EYS: variants seen among roughly 807,000 people sequenced by gnomAD.
EYS encodes EGF-like photoreceptor maintenance factor, also known as protein eyes shut homolog.
EYS carries 250 observed loss-of-function variants against 282.1 expected under a neutral mutation model. The ratio of observed to expected loss-of-function variants is 0.89; its 90% CI spans 0.80 to 0.98. The LOEUF (loss-of-function observed/expected upper bound fraction) is 0.98. Ranked by LOEUF, EYS falls within the 50% of genes least tolerant of loss-of-function variation. The pLI, the probability that EYS is intolerant of heterozygous loss-of-function variation, is 0.00. For missense variants in EYS, 4,016 were observed against 3,709.0 expected (o/e 1.08, Z -2.15); for synonymous variants, 1,355 against 1,282.9 (o/e 1.06, Z -1.20).
chr6:64,434,114 T>C (rs1295253481), intron 28 of EYS, among the ~76,000 whole-genome samples: 2 of 151,690 alleles, frequency 1.3e-5, no homozygotes, highest in Non-Finnish European at 2.9e-5. Context: ...TGTCTGGTGA[T>C]CTTATTACAA....
chr6:64,736,211 C>T (rs1176929109), intron 22 of EYS, among the ~76,000 whole-genome samples: 2 of 151,974 alleles, frequency 1.3e-5, no homozygotes, highest in East Asian at 3.9e-4. Context: ...TCTTTCCATT[C>T]CCTTTTCATT....
At chr6:64,572,359 C>T (rs1251476936) in intron 26 of EYS, among the ~76,000 whole-genome samples, 1 of 152,110 alleles carries the variant, frequency 6.6e-6, no homozygotes, top group Non-Finnish European at 1.5e-5. Context: ...CCTTTGAAAA[C>T]CAGTAAAAGA....
chr6:64,661,483 A>G (rs892821966), intron 22 of EYS, among the ~76,000 whole-genome samples: 7 of 152,170 alleles, frequency 4.6e-5, no homozygotes, highest in Non-Finnish European at 7.4e-5. Context: ...TTTGCAATCT[A>G]CTCATCTGAC....
chr6:64,411,972 A>ATATAT (rs1773914513), intron 28 of EYS, among the ~76,000 whole-genome samples: 1 of 87,210 alleles, frequency 1.1e-5, no homozygotes, highest in Non-Finnish European at 2.6e-5. Context: ...TATATATACA[A>ATATAT]GTATATATAA....
In EYS at chr6:65,019,586, T is replaced by C. The variant is rs796680197; in HGVS notation, c.2138-21883A>G. Among the ~76,000 whole-genome samples, 22 of 152,314 alleles carry C rather than the reference T, an allele frequency of 1.4e-4. 1 individual carries two copies. The highest frequency in any genetic ancestry group is 4.6e-4 in the Admixed American group (7 of 15,284). On this transcript the variant is annotated intron_variant, in intron 13 of 42. Coordinates refer to ENST00000503581, the MANE Select transcript of EYS (RefSeq NM_001142800.2). ...TAAATGACATAAGGTATGTTAAGCA[T>C]TTCAAAAAGTACCTGCCAAGCACCA...
intron 27 of EYS, among the ~76,000 whole-genome samples, chr6:64,437,189 A>G (rs1381311279): frequency 2.0e-5 from 3 of 151,746 alleles, no homozygotes; most frequent in Non-Finnish European, 4.4e-5. Context: ...AAGCATTAGG[A>G]GGAATTATTG....
chr6:64,472,368 A>G (rs1228296163), intron 26 of EYS, among the ~76,000 whole-genome samples: 1 of 152,186 alleles, frequency 6.6e-6, no homozygotes, highest in Non-Finnish European at 1.5e-5. Context: ...TTTATTTCAG[A>G]AGTCAACATG....
chr6:65,194,292 C>A (rs1442944101), intron 12 of EYS, among the ~76,000 whole-genome samples: 1 of 151,870 alleles, frequency 6.6e-6, no homozygotes, highest in African/African-American at 2.4e-5. Context: ...TCCATTACTA[C>A]AGTTTGATAT....
intron 26 of EYS, among the ~76,000 whole-genome samples, chr6:64,489,794 T>G (rs1240446028): frequency 6.6e-6 from 1 of 150,774 alleles, no homozygotes; most frequent in East Asian, 1.9e-4. Context: ...ATTAAAATGT[T>G]AAGGAGTTGG....
chr6:64,007,029 G>A (rs1768382141), intron 33 of EYS, among the ~76,000 whole-genome samples: 1 of 152,104 alleles, frequency 6.6e-6, no homozygotes, highest in Non-Finnish European at 1.5e-5. Context: ...TTAAGGAGGA[G>A]TCCCTCATCC....
At chr6:65,075,526 G>A (rs556715537) in intron 12 of EYS, among the ~76,000 whole-genome samples, 119 of 152,052 alleles carry the variant, frequency 7.8e-4, no homozygotes, top group African/African-American at 1.9e-3. Context: ...AGCCAGAAAC[G>A]TTAATAATCT....
At chr6:63,975,636 A>G (rs1003120676) in intron 35 of EYS, among the ~76,000 whole-genome samples, 1 of 152,052 alleles carries the variant, frequency 6.6e-6, no homozygotes, top group African/African-American at 2.4e-5. Context: ...AGAGGGTTAC[A>G]GTGAAGCAGC....
chr6:65,478,651 A>C (rs142177843), intron 5 of EYS, among the ~76,000 whole-genome samples: 122 of 152,274 alleles, frequency 8.0e-4, no homozygotes, highest in African/African-American at 2.8e-3. Context: ...CTTTACAAGA[A>C]ATTGATCTTT....
intron 26 of EYS, among the ~76,000 whole-genome samples, chr6:64,493,674 G>A (rs776613180): frequency 3.3e-5 from 5 of 151,198 alleles, no homozygotes; most frequent in Non-Finnish European, 5.9e-5. Flanking sequence ...TATACTTTAA[G>A]TTCTAGCGTA....
chr6:64,969,378 GT>G (rs1206894767), intron 14 of EYS, among the ~76,000 whole-genome samples: 17 of 152,198 alleles, frequency 1.1e-4, no homozygotes, highest in African/African-American at 4.1e-4. Context: ...AACAGTGGGA[GT>G]GGAAATCACA....
intron 12 of EYS, among the ~76,000 whole-genome samples, chr6:65,168,196 T>G (rs1295553006): frequency 1.3e-5 from 2 of 151,232 alleles, no homozygotes; most frequent in Admixed American, 1.3e-4. Context: ...GGAATGAAAT[T>G]ATCTTTTCTT....
chr6:65,097,258 G>T (rs1053924238), intron 12 of EYS, among the ~76,000 whole-genome samples: 3 of 150,640 alleles, frequency 2.0e-5, no homozygotes, highest in Non-Finnish European at 4.5e-5. Context: ...TCAACCTCAC[G>T]AATCATCAGG....
intron 36 of EYS, among the ~76,000 whole-genome samples, chr6:63,859,075 GTTTTTTTTTTTTTTTTTTTT>G (rs745344580): frequency 1.0e-4 from 5 of 47,914 alleles, no homozygotes; most frequent in Non-Finnish European, 1.4e-4. Flanking sequence ...GTCCTAGAGA[GTTTTTTTTTTTTTTTTTTTT>G]TTTTTTTTTT....
At chr6:65,448,191 C>T (rs1362972575) in intron 5 of EYS, among the ~76,000 whole-genome samples, 2 of 152,006 alleles carry the variant, frequency 1.3e-5, no homozygotes, top group Non-Finnish European at 2.9e-5. Context: ...CCATTTCTCC[C>T]ATCACTTTTC....
Sources: allele counts gnomAD v4.1 joint callset (sites outside exome capture counted in the v4.1 genomes callset), GRCh38; gene constraint gnomAD v4.1.1; transcripts MANE v1.5; gene names NCBI Gene and HGNC (gene_info 2026-07-23, HGNC 2026-07-21).